The following OTUD4 variants were observed in gnomAD, a reference collection of about 807,000 sequenced individuals.
OTUD4 encodes OTU domain-containing protein 4.
A neutral mutation model predicts 130.4 loss-of-function variants in OTUD4; 24 were observed. The observed-to-expected ratio is 0.18, with a 90% CI of 0.13 to 0.26. The LOEUF (loss-of-function observed/expected upper bound fraction) is 0.26. OTUD4 is among the 10% of genes least tolerant of loss of function. OTUD4 has a pLI of 1.00. For synonymous variants in OTUD4, 420 were observed against 472.5 expected, an observed-to-expected ratio of 0.89 and a Z score of 1.44; for missense variants, 1,031 against 1,329.4, an observed-to-expected ratio of 0.78 and a Z score of 3.49.
In OTUD4 at chr4:145,138,211, G is replaced by A. The variant is rs1018851923; in HGVS notation, c.2564C>T (p.Pro855Leu). 5.0e-6 allele frequency: 8 copies of A among 1,613,860 alleles called. No individual in the cohort carries two copies. Among genetic ancestry groups the A allele is most frequent in the African/African-American group, 1.3e-5 (1 of 74,924 alleles). Residue 855 changes from proline to leucine, a missense_variant, in exon 21 of 21, where the codon CCT (proline) becomes CTT (leucine). Transcript: ENST00000447906. ...ATACCAAACATGAGGAAAGAAAGGA[G>A]GTGCAATAGGAACTGGGCCTAAGAA... ...NPFLGPVPIA[P>L]PFFPHVWYGY... is the part of the protein sequence containing the mutation.
At chr4:145,141,712 T>G in intron 18 of OTUD4, 73 bp from the exon 19 acceptor site, 5 of 1,340,320 alleles carry the variant, frequency 3.7e-6, no homozygotes. Flanking sequence ...CATTAACCTA[T>G]AAAGAATGCT....
rs1466895095 is a variant in OTUD4, at chr4:145,135,982, AAG to A, written c.*1446_*1447del. ...TCTTAAGTAATTTGCTTTACAAAAA[AAG>A]AAAGTCACCGCATCTGGTTTTGGCT... is the stretch of plus-strand genomic sequence containing the variant. On this transcript the variant is annotated 3_prime_UTR_variant, in exon 21 of 21. Transcript: ENST00000447906. 6.6e-6 allele frequency: 1 copy of A among 151,930 alleles called. No individual in the cohort carries two copies. Among genetic ancestry groups the A allele is most frequent in the African/African-American group, 2.4e-5 (1 of 41,384 alleles). The allele number at this position is 151,930 out of a possible 1,614,324, so 9.4% of individuals were successfully genotyped here.
chr4:145,147,992 A>G (rs1750900561), intron 13 of OTUD4, among the ~76,000 whole-genome samples: 1 of 152,238 alleles, frequency 6.6e-6, no homozygotes, highest in Non-Finnish European at 1.5e-5. Flanking sequence ...TGGAGAAGGC[A>G]TACTAACCTA....
chr4:145,143,990 C>T lies in OTUD4; in HGVS notation c.1558G>A (p.Gly520Arg), dbSNP rs1228739252. The T allele has an allele frequency of 6.2e-7, 1 of 1,612,280 alleles. No homozygotes were observed. The highest frequency in any genetic ancestry group is 1.3e-5 in the African/African-American group (1 of 74,852). Residue 520 changes from glycine to arginine, a missense_variant, in exon 16 of 21, where the codon GGA (glycine) becomes AGA (arginine). Transcript: ENST00000447906. ...GGTCTTTTATCCAACTGACTATGTC[C>T]ATGAATAGAGTCTATAGCAGATCAA... ...EERKDKDSIH[G>R]HSQLDKRPEP...
intron 7 of OTUD4, among the ~76,000 whole-genome samples, 171 bp from the exon 8 acceptor site, chr4:145,156,167 T>C (rs183572041): frequency 5.8e-4 from 88 of 152,358 alleles, no homozygotes; most frequent in Admixed American, 5.8e-3. Context: ...AGGGTATATG[T>C]ATGTAAATGT....
chr4:145,135,993 C>T lies in OTUD4; in HGVS notation c.*1437G>A, dbSNP rs151074137. The T allele has an allele frequency of 1.8e-3, 269 of 152,642 alleles. No homozygotes were observed. Among genetic ancestry groups the T allele is most frequent in the Middle Eastern group, 3.4e-3 (1 of 294 alleles). 9.5% of individuals were successfully genotyped at this position (152,642 alleles called of 1,614,324 possible). A position where few individuals can be genotyped will look rare whatever the true frequency, so the allele number is the denominator to read the frequency against. On this transcript the variant is annotated 3_prime_UTR_variant, in exon 21 of 21. Transcript: ENST00000447906. Reference sequence around the variant, plus strand: ...TTGCTTTACAAAAAAAGAAAGTCACCGCATCTGGTTTTGGCTAGGTATATT... The same window carrying T: ...TTGCTTTACAAAAAAAGAAAGTCACTGCATCTGGTTTTGGCTAGGTATATT...
intron 3 of OTUD4, among the ~76,000 whole-genome samples, chr4:145,166,773 G>A (rs1258791541): frequency 2.0e-5 from 3 of 152,144 alleles, no homozygotes; most frequent in Non-Finnish European, 4.4e-5. Flanking sequence ...CTGGGAGGCA[G>A]CAGTCGAGTA....
intron 10 of OTUD4, among the ~76,000 whole-genome samples, chr4:145,154,688 T>C (rs553451559): frequency 6.6e-6 from 1 of 152,316 alleles, no homozygotes; most frequent in South Asian, 2.1e-4. Flanking sequence ...TTGGACTAGG[T>C]ATTTTTTGTT....
At chr4:145,173,677 C>G (rs1752287521) in intron 2 of OTUD4, among the ~76,000 whole-genome samples, 1 of 152,134 alleles carries the variant, frequency 6.6e-6, no homozygotes, top group Admixed American at 6.5e-5. Flanking sequence ...TCAACATTCT[C>G]TACCAGTCAA....
rs200467886 is a variant in OTUD4 at position 145,174,644 on chromosome 4, T to C, written c.243+17A>G. 5.5e-5 allele frequency: 80 copies of C among 1,449,092 alleles called. No homozygotes were observed. The highest frequency in any genetic ancestry group is 7.5e-5 in the Non-Finnish European group (77 of 1,029,470). The allele number at this position is 1,449,092 out of a possible 1,614,324, so 89.8% of individuals were successfully genotyped here. A position where few individuals can be genotyped will look rare whatever the true frequency, so the allele number is the denominator to read the frequency against. On this transcript the variant is annotated intron_variant, in intron 2 of 20. Coordinates refer to ENST00000447906, the MANE Select transcript of OTUD4 (RefSeq NM_001366057.1). ...ACCAAGTCAAGACACCATTACATGT[T>C]TGAAATTACAAGTTACCGCTTCAAA... is the stretch of plus-strand genomic sequence containing the variant.
intron 1 of OTUD4, among the ~76,000 whole-genome samples, chr4:145,176,843 G>C (rs551062860): frequency 3.8e-4 from 58 of 152,310 alleles, no homozygotes; most frequent in African/African-American, 1.4e-3. Flanking sequence ...CACAGAACCG[G>C]CACAACTGCC....
At chr4:145,162,615 C>A in intron 6 of OTUD4, 25 bp downstream of exon 6, 1 of 1,122,200 alleles carries the variant, frequency 8.9e-7, no homozygotes, top group South Asian at 1.4e-5. Flanking sequence ...TATAATTTCC[C>A]ATATAAACAC....
Position 145,150,952 on chromosome 4 carries a change from A to G in OTUD4, c.969-47T>C, listed in dbSNP as rs565032426. The G allele has an allele frequency of 2.6e-5, 29 of 1,133,368 alleles. No individual in the cohort carries two copies. In the East Asian group the frequency reaches 6.6e-4, roughly 26 times the overall value. 70.2% of individuals were successfully genotyped at this position (1,133,368 alleles called of 1,614,324 possible). ...TGATAGCTTAAAATACCCTAGTAAG[A>G]ATAGTTAAATATTCTGCATATTTAT... On this transcript the variant is annotated intron_variant, in intron 11 of 20. Coordinates refer to ENST00000447906, the MANE Select transcript of OTUD4 (RefSeq NM_001366057.1).
At chr4:145,139,325 C>T (rs1475741176) in intron 20 of OTUD4, among the ~76,000 whole-genome samples, 2 of 152,144 alleles carry the variant, frequency 1.3e-5, no homozygotes, top group Non-Finnish European at 2.9e-5. Context: ...TAGGGCACTT[C>T]GTTTCATAGT....
In OTUD4 at chr4:145,133,892, A is replaced by G. The variant is rs1444392218; in HGVS notation, c.*3538T>C. On this transcript the variant is annotated 3_prime_UTR_variant, in exon 21 of 21. Coordinates refer to ENST00000447906, the MANE Select transcript of OTUD4 (RefSeq NM_001366057.1). ...AAGATATGTATATATACTTTTTTTT[A>G]CAAGTAACATCACAAATGATCACAT... 6.6e-6 allele frequency: 1 copy of G among 152,534 alleles called. No individual in the cohort carries two copies. Among genetic ancestry groups the G allele is most frequent in the Non-Finnish European group, 1.5e-5 (1 of 67,996 alleles). The allele number at this position is 152,534 out of a possible 1,614,324, so 9.4% of individuals were successfully genotyped here. A position where few individuals can be genotyped will look rare whatever the true frequency, so the allele number is the denominator to read the frequency against.
At chr4:145,144,059 G>A in intron 15 of OTUD4, 58 bp from the exon 16 acceptor site, 4 of 1,356,260 alleles carry the variant, frequency 2.9e-6, no homozygotes, top group Middle Eastern at 1.8e-4. Flanking sequence ...TCTGAACACA[G>A]AAGAACAAAA....
chr4:145,174,843 T>C (rs1752344251), intron 1 of OTUD4, 99 bp from the exon 2 acceptor site: 1 of 681,450 alleles, frequency 1.5e-6, no homozygotes, highest in Admixed American at 2.1e-5. Flanking sequence ...AACCAATAGA[T>C]TATCAGTCTT....
At chr4:145,149,696 A>ATT (rs1750979553) in intron 13 of OTUD4, 1 of 152,204 alleles carries the variant, frequency 6.6e-6, no homozygotes, top group Non-Finnish European at 1.5e-5. Context: ...CAAAAAAAGG[A>ATT]ACACCCAAAT....
In OTUD4 at chr4:145,136,809, G is replaced by GT. The variant is rs995054454; in HGVS notation, c.*620dup. ...CTATATACAACATTGCTAAGACACAGTTAATAGGCTGCCTTATGTGAATAT... is the reference window on the plus strand; with the variant it reads ...CTATATACAACATTGCTAAGACACAGTTTAATAGGCTGCCTTATGTGAATAT... On this transcript the variant is annotated 3_prime_UTR_variant, in exon 21 of 21. Coordinates refer to ENST00000447906, the MANE Select transcript of OTUD4 (RefSeq NM_001366057.1). 6.6e-6 allele frequency: 1 copy of GT among 152,548 alleles called. No individual in the cohort carries two copies. The highest frequency in any genetic ancestry group is 2.4e-5 in the African/African-American group (1 of 41,408). 9.4% of individuals were successfully genotyped at this position (152,548 alleles called of 1,614,324 possible).
Sources: gnomAD v4.1 joint callset for allele counts (sites outside exome capture counted in the v4.1 genomes callset) on GRCh38, gnomAD v4.1.1 for gene constraint, MANE v1.5 for transcripts, NCBI Gene and HGNC (gene_info 2026-07-23, HGNC 2026-07-21) for gene names.